TRIP12: variants seen among roughly 807,000 people sequenced by gnomAD.
TRIP12 encodes thyroid hormone receptor interactor 12.
TRIP12 carries 25 observed loss-of-function variants against 244.2 expected under a neutral mutation model. That is an observed-to-expected ratio of 0.10 (90% CI 0.07 to 0.14). TRIP12 has a LOEUF of 0.14. Ranked by LOEUF, TRIP12 falls within the 10% of genes least tolerant of loss-of-function variation. The probability of loss-of-function intolerance (pLI) is 1.00; values close to 1 mark genes in which losing one functional copy is unlikely to be tolerated. For missense variants in TRIP12, 1,677 were observed against 2,486.4 expected, an observed-to-expected ratio of 0.67 and a Z score of 6.92; for synonymous variants, 905 against 873.1, an observed-to-expected ratio of 1.04 and a Z score of -0.64.
chr2:229,891,992 G>T (rs1036828308), intron 1 of TRIP12, among the ~76,000 whole-genome samples: 2 of 152,312 alleles, frequency 1.3e-5, no homozygotes, highest in South Asian at 2.1e-4. Flanking sequence ...AAGCAAAGGG[G>T]TAAATCTGTA....
chr2:229,887,478 C>A (rs2066282350), intron 1 of TRIP12, among the ~76,000 whole-genome samples: 1 of 152,100 alleles, frequency 6.6e-6, no homozygotes, highest in Non-Finnish European at 1.5e-5. Flanking sequence ...ACATTTAAGA[C>A]CTACAGATAA....
chr2:229,889,907 T>C (rs958234991), intron 1 of TRIP12, among the ~76,000 whole-genome samples: 5 of 152,200 alleles, frequency 3.3e-5, no homozygotes, highest in African/African-American at 1.2e-4. Flanking sequence ...AGGTACCCTG[T>C]AGATTACAGC....
At chr2:229,859,721 C>A in intron 3 of TRIP12, 147 bp from the exon 4 acceptor site, 2 of 883,930 alleles carry the variant, frequency 2.3e-6, no homozygotes, top group South Asian at 2.1e-5. Flanking sequence ...ATCTGTAAAA[C>A]GAAATAAAAG....
At chr2:229,772,464 GTTA>G (rs1022941959) in intron 38 of TRIP12, among the ~76,000 whole-genome samples, 5 of 152,048 alleles carry the variant, frequency 3.3e-5, no homozygotes, top group Admixed American at 6.5e-5. Flanking sequence ...GGGGACTCTG[GTTA>G]TTATTATTAT....
chr2:229,922,402 CCTT>C, upstream of TRIP12: 1 of 1,011,458 alleles, frequency 9.9e-7, no homozygotes, highest in East Asian at 2.5e-5. Context: ...AGTTAGAAAT[CCTT>C]CTGCCAGCTC....
intron 13 of TRIP12, among the ~76,000 whole-genome samples, chr2:229,813,589 G>A (rs2047783908): frequency 6.6e-6 from 1 of 151,994 alleles, no homozygotes; most frequent in Non-Finnish European, 1.5e-5. Context: ...TTCAAGACCA[G>A]CCTGGCCAAC....
chr2:229,873,659 A>T (rs1339824626), intron 2 of TRIP12, among the ~76,000 whole-genome samples: 2 of 152,166 alleles, frequency 1.3e-5, no homozygotes, highest in Non-Finnish European at 2.9e-5. Flanking sequence ...AATCCTTTGA[A>T]ATAGTTTTTT....
At chr2:229,817,707 C>A (rs969300924) in intron 9 of TRIP12, among the ~76,000 whole-genome samples, 11 of 152,236 alleles carry the variant, frequency 7.2e-5, no homozygotes, top group African/African-American at 2.2e-4. Context: ...GACTGTCCTG[C>A]CTCAGCCTCC....
At chr2:229,894,613 A>G (rs2068265837) in intron 1 of TRIP12, among the ~76,000 whole-genome samples, 1 of 152,236 alleles carries the variant, frequency 6.6e-6, no homozygotes, top group African/African-American at 2.4e-5. Flanking sequence ...GCAGGAGAGA[A>G]GAGAAGGAAG....
intron 8 of TRIP12, among the ~76,000 whole-genome samples, chr2:229,826,858 C>T (rs1361124077): frequency 1.3e-5 from 2 of 152,044 alleles, no homozygotes; most frequent in Non-Finnish European, 2.9e-5. Context: ...TGGAGTTTAC[C>T]AGGAATGGAA....
intron 1 of TRIP12, among the ~76,000 whole-genome samples, chr2:229,892,885 AT>A (rs1241055563): frequency 6.6e-6 from 1 of 152,154 alleles, no homozygotes; most frequent in African/African-American, 2.4e-5. Flanking sequence ...AAAATAAAAA[AT>A]AAAAAGCCAT....
chr2:229,922,504 G>C, upstream of TRIP12: 1 of 1,613,934 alleles, frequency 6.2e-7, no homozygotes, highest in Non-Finnish European at 8.5e-7. Context: ...GACGGCGGTG[G>C]CGTCCCAAGA....
chr2:229,838,514 T>C (rs2055434425), intron 5 of TRIP12, among the ~76,000 whole-genome samples: 1 of 152,184 alleles, frequency 6.6e-6, no homozygotes, highest in African/African-American at 2.4e-5. Flanking sequence ...CCTCAGTGGG[T>C]AATTTCGCAC....
intron 16 of TRIP12, 43 bp from the exon 17 acceptor site, chr2:229,807,907 A>T (rs539827151): frequency 1.9e-5 from 29 of 1,562,914 alleles, no homozygotes; most frequent in African/African-American, 2.7e-5. Flanking sequence ...TTTATGAAAT[A>T]TTAGTAAACG....
chr2:229,920,354 G>T (rs986920261), intron 1 of TRIP12, among the ~76,000 whole-genome samples: 4 of 152,132 alleles, frequency 2.6e-5, no homozygotes, highest in Admixed American at 2.6e-4. Context: ...CCCGGAGATC[G>T]GGTGATCTGG....
chr2:229,785,978 A>C (rs776968409), intron 33 of TRIP12, 123 bp from the exon 34 acceptor site: 61 of 795,592 alleles, frequency 7.7e-5, no homozygotes, highest in Non-Finnish European at 1.0e-4. Context: ...TTATTTCCTT[A>C]AACAGGTAAC....
chr2:229,805,352 GTTT>G (rs753461187), intron 18 of TRIP12, among the ~76,000 whole-genome samples: 1 of 152,034 alleles, frequency 6.6e-6, no homozygotes, highest in South Asian at 2.1e-4. Flanking sequence ...GTTTTGTTTT[GTTT>G]TTTTAATCAC....
chr2:229,771,502 A>T lies in TRIP12; in HGVS notation c.5808+17T>A, dbSNP rs2034336548. On this transcript the variant is annotated intron_variant, in intron 39 of 41. Coordinates refer to ENST00000675903, the MANE Select transcript of TRIP12 (RefSeq NM_001348323.3). ...AATTATAGGTATGACCATTTCTTTT[A>T]GATATAAGCTACTCACTTCCTCCGG... 2.5e-6 allele frequency: 4 copies of T among 1,590,824 alleles called. No homozygotes were observed. Among genetic ancestry groups the T allele is most frequent in the Non-Finnish European group, 3.4e-6 (4 of 1,159,560 alleles).
intron 1 of TRIP12, among the ~76,000 whole-genome samples, chr2:229,904,941 T>C (rs533929220): frequency 6.6e-6 from 1 of 152,300 alleles, no homozygotes; most frequent in African/African-American, 2.4e-5. Context: ...GAACTCTATC[T>C]CTGAAGCTTT....
Sources: gnomAD v4.1 joint callset for allele counts (sites outside exome capture counted in the v4.1 genomes callset) on GRCh38, gnomAD v4.1.1 for gene constraint, MANE v1.5 for transcripts, NCBI Gene and HGNC (gene_info 2026-07-23, HGNC 2026-07-21) for gene names.